WAC: variants seen among roughly 807,000 people sequenced by gnomAD.
WAC encodes the protein WW domain containing adaptor with coiled-coil.
In WAC, 11 loss-of-function variants were observed where a neutral mutation model predicts 79.6. The observed-to-expected ratio is 0.14, with a 90% CI of 0.09 to 0.23. The LOEUF is 0.23. Among genes scored for constraint, WAC ranks in the 10% least tolerant of loss-of-function variants. The pLI is 1.00. For missense variants in WAC, 728 were observed against 773.5 expected (o/e 0.94, Z 0.70); for synonymous variants, 304 against 276.9 (o/e 1.10, Z -0.97).
In WAC at chr10:28,611,877, T is replaced by C. The variant is rs1046363231; in HGVS notation, c.1392T>C (p.Pro464=). 22 of 1,614,076 alleles carry C rather than the reference T, an allele frequency of 1.4e-5. No individual in the cohort carries two copies. Among genetic ancestry groups the C allele is most frequent in the Non-Finnish European group, 1.8e-5 (21 of 1,180,040 alleles). Reference sequence around the variant, plus strand: ...GCACACCTCAAACTAACACAGTCCCTATCAAACCTTTGATCAGTACTCCTC... The same window carrying C: ...GCACACCTCAAACTAACACAGTCCCCATCAAACCTTTGATCAGTACTCCTC... ...RISTPQTNTV[P]IKPLISTPPV... The change falls in exon 10 of 14, where the codon CCT becomes CCC. Residue 464 remains proline, a synonymous_variant. Transcript: ENST00000354911.
intron 5 of WAC, 30 bp from the exon 6 acceptor site, chr10:28,590,690 T>G (rs1564404900): frequency 2.0e-6 from 3 of 1,533,082 alleles, no homozygotes; most frequent in Non-Finnish European, 1.8e-6. Context: ...AATGTAATTT[T>G]TATATGTTTA....
At chr10:28,542,559 ACTT>A (rs1270057945) in intron 3 of WAC, among the ~76,000 whole-genome samples, 1 of 152,194 alleles carries the variant, frequency 6.6e-6, no homozygotes, top group Admixed American at 6.5e-5. Flanking sequence ...CCAAAACCTG[ACTT>A]CTTGTGAAAG....
intron 6 of WAC, among the ~76,000 whole-genome samples, chr10:28,592,170 G>T (rs1445953280): frequency 1.3e-5 from 2 of 152,134 alleles, no homozygotes; most frequent in Non-Finnish European, 2.9e-5. Context: ...ATTTTGAGAT[G>T]GAAGAATTAG....
rs777161371 is a variant in WAC, at chr10:28,548,215, C to CG, written c.274+12459dup. ...TGGGATTTACAGGAGTGAGCCACCA[C>CG]GCCCGGCCAACATTTTAATTTTCTA... On this transcript the variant is annotated intron_variant, in intron 3 of 13. Transcript: ENST00000354911. 1.6e-3 allele frequency among the ~76,000 whole-genome samples: 239 copies of CG among 152,192 alleles called. 1 individual carries two copies. Among genetic ancestry groups the CG allele is most frequent in the Non-Finnish European group, 2.5e-3 (167 of 68,004 alleles).
At chr10:28,552,234 A>G (rs1225483911) in intron 3 of WAC, among the ~76,000 whole-genome samples, 5 of 152,172 alleles carry the variant, frequency 3.3e-5, no homozygotes, top group African/African-American at 9.7e-5. Context: ...TTGAAAAGCC[A>G]TCTTCTGACT....
At chr10:28,617,609 G>A (rs1267174044) in intron 12 of WAC, 48 bp from the exon 13 acceptor site, 3 of 1,468,512 alleles carry the variant, frequency 2.0e-6, no homozygotes, top group Non-Finnish European at 2.7e-6. Flanking sequence ...TTTATTTTGT[G>A]TATGTTAATG....
chr10:28,556,208 A>C (rs1837975301), intron 3 of WAC, among the ~76,000 whole-genome samples: 1 of 151,870 alleles, frequency 6.6e-6, no homozygotes. Flanking sequence ...CCTCCTCTGC[A>C]CCCTCACCAA....
In WAC at chr10:28,622,374, T is replaced by TAG; in HGVS notation, c.*2770_*2771dup. 1 of 128,236 alleles carries TAG rather than the reference T, an allele frequency of 7.8e-6. No homozygotes were observed. The highest frequency in any genetic ancestry group is 2.3e-4 in the East Asian group (1 of 4,408). 7.9% of individuals were successfully genotyped at this position (128,236 alleles called of 1,614,324 possible). ...TACCTTGGTTTAGATACTTTGAAAA[T>TAG]AGAAGTACTGAATAGCCTCTAGGGA... On this transcript the variant is annotated 3_prime_UTR_variant, in exon 14 of 14. Transcript: ENST00000354911.
intron 3 of WAC, among the ~76,000 whole-genome samples, chr10:28,544,083 A>G (rs187827817): frequency 4.5e-4 from 68 of 152,270 alleles, no homozygotes; most frequent in African/African-American, 1.4e-3. Flanking sequence ...GGGTTTTGTC[A>G]TGTTGGCCAG....
intron 3 of WAC, among the ~76,000 whole-genome samples, chr10:28,547,915 C>CTTTTTTTTTTTTTTT (rs11408560): frequency 7.6e-6 from 1 of 132,326 alleles, no homozygotes; most frequent in Non-Finnish European, 1.6e-5. Flanking sequence ...TTCTCTTTTT[C>CTTTTTTTTTTTTTTT]TTTTTTTTTT....
At chr10:28,589,957 C>A in intron 5 of WAC, 106 bp downstream of exon 5, 1 of 760,172 alleles carries the variant, frequency 1.3e-6, no homozygotes, top group Non-Finnish European at 2.1e-6. Flanking sequence ...TAGTGCTGCC[C>A]ATCTACACTT....
At chr10:28,572,522 T>G (rs1212210291) in intron 3 of WAC, among the ~76,000 whole-genome samples, 1 of 151,944 alleles carries the variant, frequency 6.6e-6, no homozygotes, top group East Asian at 1.9e-4. Context: ...TCTAAAAATC[T>G]TACTCTTGGC....
At chr10:28,597,236 G>T (rs1183457287) in intron 7 of WAC, among the ~76,000 whole-genome samples, 1 of 152,056 alleles carries the variant, frequency 6.6e-6, no homozygotes, top group Non-Finnish European at 1.5e-5. Context: ...TAAAATGTCA[G>T]ATTTACCCTG....
At chr10:28,566,934 C>T in intron 3 of WAC, among the ~76,000 whole-genome samples, 1 of 149,148 alleles carries the variant, frequency 6.7e-6, no homozygotes. Flanking sequence ...TTTTATTATC[C>T]CCTTGAATGT....
intron 3 of WAC, among the ~76,000 whole-genome samples, chr10:28,542,353 A>G (rs988318534): frequency 1.3e-5 from 2 of 152,192 alleles, no homozygotes; most frequent in African/African-American, 4.8e-5. Flanking sequence ...TGACATGGGC[A>G]TTTCTGAAAG....
At chr10:28,545,850 A>ATG (rs1837322467) in intron 3 of WAC, among the ~76,000 whole-genome samples, 1 of 152,222 alleles carries the variant, frequency 6.6e-6, no homozygotes, top group Admixed American at 6.5e-5. Context: ...ACTTTAGATA[A>ATG]TACCTACTTA....
rs778086675 is a variant in WAC, at chr10:28,608,227, A to G, written c.961A>G (p.Thr321Ala). ...GDKPVSHSCT[T>A]PSTSSASGLN... ...CAAACCCGTATCACATTCTTGCACA[A>G]CTCCTTCCACGTCTTCTGCCTCTGG... Residue 321 changes from threonine to alanine, a missense_variant, in exon 8 of 14, where the codon ACT (threonine) becomes GCT (alanine). Thr to Ala is a moderately conservative substitution (Grantham distance 58, BLOSUM62 0). Coordinates refer to ENST00000354911, the MANE Select transcript of WAC (RefSeq NM_016628.5). 2 of 1,613,786 alleles carry G rather than the reference A, an allele frequency of 1.2e-6. No homozygotes were observed. Among genetic ancestry groups the G allele is most frequent in the Admixed American group, 1.7e-5 (1 of 59,982 alleles).
chr10:28,554,746 CCT>C (rs146056027), intron 3 of WAC, among the ~76,000 whole-genome samples: 97 of 152,306 alleles, frequency 6.4e-4, no homozygotes, highest in African/African-American at 2.1e-3. Flanking sequence ...GTGGCCAACT[CCT>C]ATGTCTTTCT....
chr10:28,534,430 C>T (rs1274940626), intron 2 of WAC: 1 of 187,328 alleles, frequency 5.3e-6, no homozygotes, highest in African/African-American at 2.3e-5. Flanking sequence ...AAGTGAAGAA[C>T]TTGGGTAAAT....
Sources: gnomAD v4.1 joint callset for allele counts (sites outside exome capture counted in the v4.1 genomes callset) on GRCh38, gnomAD v4.1.1 for gene constraint, MANE v1.5 for transcripts, NCBI Gene and HGNC (gene_info 2026-07-23, HGNC 2026-07-21) for gene names.